SLC14A2: variants seen among roughly 807,000 people sequenced by gnomAD.
SLC14A2 encodes the protein solute carrier family 14 member 2.
A neutral mutation model predicts 104.6 loss-of-function variants in SLC14A2; 91 were observed. That is an observed-to-expected ratio of 0.87 (90% CI 0.73 to 1.04). The LOEUF is 1.04. SLC14A2 is among the 50% of genes least tolerant of loss of function. SLC14A2 has a pLI of 0.00. For synonymous variants in SLC14A2, 476 were observed against 466.4 expected, an observed-to-expected ratio of 1.02 and a Z score of -0.27; for missense variants, 1,189 against 1,156.0, an observed-to-expected ratio of 1.03 and a Z score of -0.41.
chr18:45,509,092 C>A (rs2144783221), intron 2 of SLC14A2, among the ~76,000 whole-genome samples: 1 of 152,218 alleles, frequency 6.6e-6, no homozygotes, highest in African/African-American at 2.4e-5. Context: ...TATTGCAAGC[C>A]TTTGGAAGAG....
intron 1 of SLC14A2, among the ~76,000 whole-genome samples, chr18:45,456,616 G>T (rs2086948066): frequency 6.6e-6 from 1 of 152,200 alleles, no homozygotes; most frequent in African/African-American, 2.4e-5. Context: ...CCCAGTCCAT[G>T]TCTCCAGTGA....
At chr18:45,598,068 T>C (rs1222624136) in intron 2 of SLC14A2, among the ~76,000 whole-genome samples, 1 of 152,126 alleles carries the variant, frequency 6.6e-6, no homozygotes, top group African/African-American at 2.4e-5. Flanking sequence ...AATGGGACTT[T>C]CTACAAATGG....
At chr18:45,303,417 G>A (rs978156218) in intron 1 of SLC14A2, among the ~76,000 whole-genome samples, 23 of 152,160 alleles carry the variant, frequency 1.5e-4, no homozygotes, top group Non-Finnish European at 2.6e-4. Flanking sequence ...ACAAGGACTC[G>A]AATATAGAAA....
At chr18:45,456,352 G>T (rs1346419380) in intron 1 of SLC14A2, among the ~76,000 whole-genome samples, 1 of 152,216 alleles carries the variant, frequency 6.6e-6, no homozygotes, top group African/African-American at 2.4e-5. Flanking sequence ...TGCAGAGTCA[G>T]TGCCCCCAGG....
At chr18:45,601,997 C>T (rs1333371457) in intron 2 of SLC14A2, among the ~76,000 whole-genome samples, 1 of 152,214 alleles carries the variant, frequency 6.6e-6, no homozygotes, top group African/African-American at 2.4e-5. Context: ...GTGCATGATG[C>T]CCAGGGGTCT....
chr18:45,522,940 A>G (rs373646852), intron 2 of SLC14A2, among the ~76,000 whole-genome samples: 1 of 152,160 alleles, frequency 6.6e-6, no homozygotes, highest in Non-Finnish European at 1.5e-5. Context: ...CATTTCTGCT[A>G]AGTTCCAACG....
intron 2 of SLC14A2, among the ~76,000 whole-genome samples, chr18:45,580,900 C>G (rs192626648): frequency 6.6e-6 from 1 of 152,212 alleles, no homozygotes; most frequent in Non-Finnish European, 1.5e-5. Context: ...GAAACTGCTG[C>G]TAGAGACAGA....
chr18:45,234,672 C>A (rs558585825), intron 1 of SLC14A2, among the ~76,000 whole-genome samples: 1 of 152,304 alleles, frequency 6.6e-6, no homozygotes, highest in African/African-American at 2.4e-5. Context: ...CACCACAAAT[C>A]AAGCATGCTT....
At chr18:45,429,334 C>T (rs1224341816) in intron 1 of SLC14A2, among the ~76,000 whole-genome samples, 1 of 152,178 alleles carries the variant, frequency 6.6e-6, no homozygotes, top group Non-Finnish European at 1.5e-5. Flanking sequence ...CTGTGGAAGA[C>T]TTGCCTATGA....
At chr18:45,338,083 T>C (rs889561277) in intron 1 of SLC14A2, among the ~76,000 whole-genome samples, 2 of 152,232 alleles carry the variant, frequency 1.3e-5, no homozygotes, top group African/African-American at 4.8e-5. Context: ...TTCAAGTGTA[T>C]AGACAAAGCT....
At chr18:45,447,782 A>G (rs912298447) in intron 1 of SLC14A2, among the ~76,000 whole-genome samples, 1 of 152,232 alleles carries the variant, frequency 6.6e-6, no homozygotes, top group Non-Finnish European at 1.5e-5. Context: ...TGGAGCCTTT[A>G]TACCAGATAA....
chr18:45,180,429 T>C, the SLC14A2 span, among the ~76,000 whole-genome samples: 19,263 of 152,172 alleles, frequency 0.13, 1,333 homozygotes, highest in African/African-American at 0.19. Context: ...ATGTGGAAGT[T>C]GAAGTATAAA....
intron 1 of SLC14A2, among the ~76,000 whole-genome samples, chr18:45,437,824 A>G (rs759579978): frequency 1.3e-5 from 2 of 152,218 alleles, no homozygotes; most frequent in Non-Finnish European, 2.9e-5. Context: ...CCTGAAGAGG[A>G]TAATTAACTT....
intron 1 of SLC14A2, among the ~76,000 whole-genome samples, chr18:45,411,938 C>T (rs1825990553): frequency 6.6e-6 from 1 of 152,138 alleles, no homozygotes; most frequent in African/African-American, 2.4e-5. Flanking sequence ...TCCCTGGAGA[C>T]ACCCTCTCCT....
intron 18 of SLC14A2, among the ~76,000 whole-genome samples, chr18:45,678,119 G>A (rs1015358715): frequency 5.3e-5 from 8 of 152,096 alleles, no homozygotes; most frequent in Admixed American, 1.3e-4. Context: ...ACTCCCAGTC[G>A]TGTAACTCAT....
intron 2 of SLC14A2, among the ~76,000 whole-genome samples, chr18:45,601,656 G>A (rs114005523): frequency 8.5e-5 from 13 of 152,330 alleles, no homozygotes; most frequent in African/African-American, 3.1e-4. Flanking sequence ...GAATCTCCCA[G>A]CTGAGCCTAA....
intron 2 of SLC14A2, among the ~76,000 whole-genome samples, chr18:45,525,261 A>T (rs1329117915): frequency 3.3e-5 from 5 of 152,208 alleles, no homozygotes; most frequent in Non-Finnish European, 7.3e-5. Context: ...AATCAAATGC[A>T]GTATCTTGCA....
At chr18:45,579,521 T>C (rs1386498766) in intron 2 of SLC14A2, among the ~76,000 whole-genome samples, 1 of 152,258 alleles carries the variant, frequency 6.6e-6, no homozygotes, top group Non-Finnish European at 1.5e-5. Context: ...GTTTCAAAAT[T>C]ATATTTTCTT....
chr18:45,641,415 TGG>T (rs754492569), intron 8 of SLC14A2, 72 bp downstream of exon 8: 2 of 1,539,020 alleles, frequency 1.3e-6, no homozygotes, highest in Non-Finnish European at 1.8e-6. Flanking sequence ...GTGAAACCCA[TGG>T]GGACCACTAA....
Sources: gnomAD v4.1 joint callset for allele counts (sites outside exome capture counted in the v4.1 genomes callset) on GRCh38, gnomAD v4.1.1 for gene constraint, MANE v1.5 for transcripts, NCBI Gene and HGNC (gene_info 2026-07-23, HGNC 2026-07-21) for gene names.